The following MYO5B variants were observed in gnomAD, a reference collection of about 807,000 sequenced individuals.
The protein encoded by MYO5B is unconventional myosin-Vb.
Under a neutral mutation model 229.3 loss-of-function variants are expected in MYO5B, and 143 were observed. The observed-to-expected ratio is 0.62, with a 90% CI of 0.54 to 0.72. The LOEUF is 0.72. Ranked by LOEUF, MYO5B falls within the 30% of genes least tolerant of loss-of-function variation. The pLI is 0.00. For missense variants in MYO5B, 2,321 were observed against 2,331.0 expected (o/e 1.00, Z 0.09); for synonymous variants, 918 against 885.2 (o/e 1.04, Z -0.66).
rs117242101 is a variant in MYO5B at position 49,963,969 on chromosome 18, C to G, written c.1323-939G>C. ...AGGGGACACCTTTACTTAATTAACACAGGTGCCCATGAGCTGGCAGTGGCC... is the reference window on the plus strand; with the variant it reads ...AGGGGACACCTTTACTTAATTAACAGAGGTGCCCATGAGCTGGCAGTGGCC... On this transcript the variant is annotated intron_variant, in intron 10 of 39. Transcript: ENST00000285039. Among the ~76,000 whole-genome samples, 1,175 of 152,284 alleles carry G rather than the reference C, an allele frequency of 7.7e-3. 13 individuals carry two copies. The highest frequency in any genetic ancestry group is 8.9e-3 in the Non-Finnish European group (605 of 68,024).
intron 4 of MYO5B, among the ~76,000 whole-genome samples, chr18:50,028,521 G>T (rs955489944): frequency 1.3e-5 from 2 of 151,998 alleles, no homozygotes; most frequent in Admixed American, 1.3e-4. Context: ...AGAGTGGGGG[G>T]CAAGGACAGA....
At position 49,838,066 on chromosome 18, in the gene MYO5B, G is replaced by A. The variant is rs549567193; in HGVS notation, c.4853-264C>T. ...GATGGGCATGTACCAGCTCGATTTG[G>A]TATCGCCTGTGCTGAAGTCCACAGT... On this transcript the variant is annotated intron_variant, in intron 36 of 39. Transcript: ENST00000285039. Among the ~76,000 whole-genome samples the A allele has an allele frequency of 9.2e-5, 14 of 152,314 alleles. No individual in the cohort carries two copies. In the South Asian group the frequency reaches 1.7e-3, roughly 18 times the overall value.
chr18:49,831,183 C>A (rs1264644093), intron 39 of MYO5B, among the ~76,000 whole-genome samples: 2 of 152,032 alleles, frequency 1.3e-5, no homozygotes, highest in Non-Finnish European at 2.9e-5. Context: ...GCTAAATCTG[C>A]AAAGCTCTTA....
rs573161178 is a variant in MYO5B at position 50,170,968 on chromosome 18, C to T, written c.27+23799G>A. Reference sequence around the variant, plus strand: ...TCAGAAGTGAAGAGCTGCAAAATCCCGTTACCCCGTGGTGAACCCACACCT... The same window carrying T: ...TCAGAAGTGAAGAGCTGCAAAATCCTGTTACCCCGTGGTGAACCCACACCT... On this transcript the variant is annotated intron_variant, in intron 1 of 39. Transcript: ENST00000285039. Among the ~76,000 whole-genome samples the T allele has an allele frequency of 6.1e-4, 78 of 127,572 alleles. 21 individuals are homozygous for T. Among genetic ancestry groups the T allele is most frequent in the African/African-American group, 2.0e-3 (66 of 33,758 alleles). The allele number at this position is 127,572 out of a possible 152,430, so 83.7% of individuals were successfully genotyped here. A position where few individuals can be genotyped will look rare whatever the true frequency, so the allele number is the denominator to read the frequency against.
chr18:49,988,201 T>A (rs911121361), intron 7 of MYO5B, among the ~76,000 whole-genome samples: 8 of 152,196 alleles, frequency 5.3e-5, no homozygotes, highest in Non-Finnish European at 2.9e-5. Context: ...GGTCCAAATA[T>A]TCACTTAGAG....
chr18:49,994,867 TG>T (rs1189646485), intron 5 of MYO5B, among the ~76,000 whole-genome samples: 1 of 152,210 alleles, frequency 6.6e-6, no homozygotes, highest in Middle Eastern at 3.2e-3. Context: ...CCTAAAATGT[TG>T]GTAGAAAGCA....
chr18:50,022,247 T>C (rs568080808), intron 4 of MYO5B, among the ~76,000 whole-genome samples: 1 of 152,304 alleles, frequency 6.6e-6, no homozygotes, highest in Admixed American at 6.5e-5. Context: ...CTGCCAGCAA[T>C]GTGCCTTAGG....
At position 50,001,520 on chromosome 18, in the gene MYO5B, T is replaced by G. The variant is rs1223544275; in HGVS notation, c.456-109A>C. 4 of 1,305,388 alleles carry G rather than the reference T, an allele frequency of 3.1e-6. No individual in the cohort carries two copies. The South Asian group carries it at 4.7e-5, about 15-fold the overall frequency. 80.9% of individuals were successfully genotyped at this position (1,305,388 alleles called of 1,614,324 possible). A position where few individuals can be genotyped will look rare whatever the true frequency, so the allele number is the denominator to read the frequency against. ...GCCTCACTGGGAGCATCTCTCCTACTTTAATGGATAAACGCAGAGGAACAG... is the reference window on the plus strand; with the variant it reads ...GCCTCACTGGGAGCATCTCTCCTACGTTAATGGATAAACGCAGAGGAACAG... On this transcript the variant is annotated intron_variant, in intron 4 of 39. Transcript: ENST00000285039.
intron 1 of MYO5B, among the ~76,000 whole-genome samples, chr18:50,088,568 T>G (rs979425785): frequency 2.0e-5 from 3 of 152,346 alleles, no homozygotes; most frequent in Non-Finnish European, 2.9e-5. Flanking sequence ...AAGTCTATAT[T>G]TTGACATATC....
intron 17 of MYO5B, among the ~76,000 whole-genome samples, chr18:49,924,383 G>A (rs968798090): frequency 1.3e-5 from 2 of 152,100 alleles, no homozygotes; most frequent in South Asian, 2.1e-4. Context: ...TTAAGGATAG[G>A]GAAACCTAGG....
chr18:49,871,441 G>A (rs2024454709), intron 27 of MYO5B: 1 of 154,320 alleles, frequency 6.5e-6, no homozygotes, highest in Admixed American at 6.3e-5. Flanking sequence ...AATTTTTTGT[G>A]TATTTTACCA....
chr18:49,854,631 A>G (rs1255884720), intron 30 of MYO5B, among the ~76,000 whole-genome samples: 1 of 152,208 alleles, frequency 6.6e-6, no homozygotes, highest in Non-Finnish European at 1.5e-5. Flanking sequence ...CATGGAAAAA[A>G]TCCACCCCAG....
chr18:50,135,418 T>C (rs892038040), intron 1 of MYO5B, among the ~76,000 whole-genome samples: 6 of 152,170 alleles, frequency 3.9e-5, no homozygotes, highest in East Asian at 3.9e-4. Context: ...CAAGAGATGA[T>C]CATATTCGTC....
chr18:50,034,764 C>CA (rs1017601045), intron 4 of MYO5B, among the ~76,000 whole-genome samples: 1 of 151,926 alleles, frequency 6.6e-6, no homozygotes, highest in Non-Finnish European at 1.5e-5. Context: ...CAAAACAAAA[C>CA]AAAAAAACCA....
intron 1 of MYO5B, among the ~76,000 whole-genome samples, chr18:50,062,967 G>T (rs779575495): frequency 2.0e-5 from 3 of 152,040 alleles, no homozygotes; most frequent in Non-Finnish European, 2.9e-5. Flanking sequence ...TCTGCACCAG[G>T]GTTGTTGTTA....
chr18:50,192,530 T>C (rs2033242459), intron 1 of MYO5B, among the ~76,000 whole-genome samples: 1 of 152,210 alleles, frequency 6.6e-6, no homozygotes, highest in Non-Finnish European at 1.5e-5. Context: ...CATCTGCTTA[T>C]TATGAGTGTC....
At position 49,964,574 on chromosome 18, in the gene MYO5B, C is replaced by G. The variant is rs543044908; in HGVS notation, c.1323-1544G>C. The stretch of plus-strand genomic sequence containing the variant: ...GTCTGGGAATGGTAGTGTATCACAG[C>G]TCTTTGGTCAACTGTGTAATGTTAG... On this transcript the variant is annotated intron_variant, in intron 10 of 39. Coordinates refer to ENST00000285039, the MANE Select transcript of MYO5B (RefSeq NM_001080467.3). Among the ~76,000 whole-genome samples, 106 of 152,262 alleles carry G rather than the reference C, an allele frequency of 7.0e-4. No homozygotes were observed. In the South Asian group the frequency reaches 0.014, roughly 20 times the overall value.
chr18:49,862,867 A>G (rs2024347424), intron 29 of MYO5B, among the ~76,000 whole-genome samples: 1 of 151,872 alleles, frequency 6.6e-6, no homozygotes, highest in South Asian at 2.1e-4. Context: ...CAGATGGCTA[A>G]GCAGCCCTCT....
chr18:49,837,733 C>T lies in MYO5B; in HGVS notation c.4922G>A (p.Arg1641His), dbSNP rs756813138. ...ATCCCCATCTGCCATGCTGGAGGAGCGCTTCCGGTAGCCGGTGGGCTTCAC... is the reference window on the plus strand; with the variant it reads ...ATCCCCATCTGCCATGCTGGAGGAGTGCTTCCGGTAGCCGGTGGGCTTCAC... Reference protein sequence around the residue: ...SGVKPTGYRKRSSSMADGDNS... With the variant: ...SGVKPTGYRKHSSSMADGDNS... The change falls in exon 37 of 40, where the codon CGC (arginine) becomes CAC (histidine). Residue 1641 changes from arginine (R) to histidine (H), a missense_variant. By Grantham distance (29) the Arg-to-His change is conservative. Coordinates refer to ENST00000285039, the MANE Select transcript of MYO5B (RefSeq NM_001080467.3). 41 of 1,614,052 alleles carry T rather than the reference C, an allele frequency of 2.5e-5. No individual in the cohort carries two copies. Among genetic ancestry groups the T allele is most frequent in the South Asian group, 7.7e-5 (7 of 91,080 alleles).
Sources: allele counts gnomAD v4.1 joint callset (sites outside exome capture counted in the v4.1 genomes callset), GRCh38; gene constraint gnomAD v4.1.1; transcripts MANE v1.5; gene names NCBI Gene and HGNC (gene_info 2026-07-23, HGNC 2026-07-21).